Variants in GFRA1 observed in about 807,000 individuals in gnomAD.
GFRA1 encodes the protein GDNF family receptor alpha 1.
GFRA1 carries 16 observed loss-of-function variants against 51.6 expected under a neutral mutation model. The observed-to-expected ratio is 0.31, with a 90% confidence interval of 0.21 to 0.47. The LOEUF (loss-of-function observed/expected upper bound fraction) is 0.47, where lower values mean the gene tolerates loss of function less well. Among genes scored for constraint, GFRA1 ranks in the 20% least tolerant of loss-of-function variants. GFRA1 has a pLI of 1.00. For synonymous variants in GFRA1, 270 were observed against 241.3 expected (o/e 1.12, Z -1.10); for missense variants, 530 against 594.3 (o/e 0.89, Z 1.13).
At chr10:116,254,097 G>A (rs1968612335) in intron 4 of GFRA1, among the ~76,000 whole-genome samples, 1 of 152,078 alleles carries the variant, frequency 6.6e-6, no homozygotes, top group African/African-American at 2.4e-5. Flanking sequence ...GAGGCAGGCA[G>A]ATCACCTGAG....
At chr10:116,173,570 T>G (rs1385135072) in intron 5 of GFRA1, among the ~76,000 whole-genome samples, 1 of 152,198 alleles carries the variant, frequency 6.6e-6, no homozygotes, top group African/African-American at 2.4e-5. Context: ...CCGTATGCCT[T>G]TCCAATAACT....
intron 4 of GFRA1, among the ~76,000 whole-genome samples, 191 bp downstream of exon 4, chr10:116,269,312 A>C (rs1379293716): frequency 6.6e-6 from 1 of 152,212 alleles, no homozygotes; most frequent in African/African-American, 2.4e-5. Flanking sequence ...TACTTCATTT[A>C]GAATTACTTT....
chr10:116,219,980 C>T (rs1244340779), intron 4 of GFRA1, among the ~76,000 whole-genome samples: 1 of 152,184 alleles, frequency 6.6e-6, no homozygotes, highest in Admixed American at 6.5e-5. Context: ...ACTAGATGAT[C>T]TCTAAGGTCC....
chr10:116,257,928 G>C lies in GFRA1; in HGVS notation c.418+11575C>G, dbSNP rs556884719. Among the ~76,000 whole-genome samples the C allele has an allele frequency of 5.9e-5, 9 of 152,180 alleles. No individual in the cohort carries two copies. The South Asian group carries it at 1.9e-3, about 32-fold the overall frequency. On this transcript the variant is annotated intron_variant, in intron 4 of 10. Transcript: ENST00000355422. ...CTGGACACACTGTGCCTTTGCCCAG[G>C]CTGTTGCCTCTGCCTGGAATGCTCT...
At chr10:116,205,587 A>C (rs1334848492) in intron 5 of GFRA1, among the ~76,000 whole-genome samples, 6 of 45,586 alleles carry the variant, frequency 1.3e-4, no homozygotes, top group Non-Finnish European at 1.1e-4. Flanking sequence ...AAAGAAAGGA[A>C]AAAAAAAAGA....
chr10:116,096,811 A>G, intron 6 of GFRA1, 47 bp from the exon 7 acceptor site: 1 of 1,015,772 alleles, frequency 9.8e-7, no homozygotes, highest in Non-Finnish European at 1.5e-6. Flanking sequence ...GCTTTAAAAC[A>G]TCCTAAGCCT....
In GFRA1 at chr10:116,061,342, T is replaced by C. The variant is rs553075143; in HGVS notation, c.*3056A>G. On this transcript the variant is annotated 3_prime_UTR_variant, in exon 11 of 11. Coordinates refer to ENST00000355422, the MANE Select transcript of GFRA1 (RefSeq NM_005264.8). The stretch of plus-strand genomic sequence containing the variant: ...AATAACCTATGTTAATCTCAACTTA[T>C]ACTTTTTTTATTACAGACTTGAAAA... The C allele has an allele frequency of 3.9e-5, 6 of 152,138 alleles. No homozygotes were observed. Among genetic ancestry groups the C allele is most frequent in the East Asian group, 3.9e-4 (2 of 5,156 alleles). 9.4% of individuals were successfully genotyped at this position (152,138 alleles called of 1,614,324 possible). A position where few individuals can be genotyped will look rare whatever the true frequency, so the allele number is the denominator to read the frequency against.
Position 116,093,780 on chromosome 10 carries a change from A to C in GFRA1, c.937T>G (p.Cys313Gly). 1 of 1,613,940 alleles carries C rather than the reference A, an allele frequency of 6.2e-7. No homozygotes were observed. The highest frequency in any genetic ancestry group is 8.5e-7 in the Non-Finnish European group (1 of 1,179,760). Reference sequence around the variant, plus strand: ...TCGTTCCCACTGTTGCTGCAGTCACACCATGGGGCCACACTGAGGCTACTG... The same window carrying C: ...TCGTTCCCACTGTTGCTGCAGTCACCCCATGGGGCCACACTGAGGCTACTG... The part of the protein sequence containing the change: ...DSSSLSVAPW[C>G]DCSNSGNDLE... The change falls in exon 8 of 11, where the codon TGT (cysteine) becomes GGT (glycine). Residue 313 changes from cysteine (C) to glycine (G), a missense_variant. Physicochemically the swap from Cys to Gly is radical, Grantham distance 159. Coordinates refer to ENST00000355422, the MANE Select transcript of GFRA1 (RefSeq NM_005264.8).
chr10:116,101,778 G>A (rs2024089), intron 6 of GFRA1, among the ~76,000 whole-genome samples: 25,870 of 152,014 alleles, frequency 0.17, 2,226 homozygotes, highest in East Asian at 0.21. Flanking sequence ...CGTGGTTGGT[G>A]GAATTGAGCC....
intron 5 of GFRA1, among the ~76,000 whole-genome samples, chr10:116,174,639 T>C (rs1961403717): frequency 6.6e-6 from 1 of 152,210 alleles, no homozygotes; most frequent in Non-Finnish European, 1.5e-5. Context: ...GTTAGATTTT[T>C]CAATTTTATA....
At chr10:116,256,638 T>G (rs1256901102) in intron 4 of GFRA1, among the ~76,000 whole-genome samples, 1 of 150,266 alleles carries the variant, frequency 6.7e-6, no homozygotes, top group Non-Finnish European at 1.5e-5. Context: ...CTGGGGTGAG[T>G]GGGCACTGCT....
At chr10:116,085,544 A>G (rs145624828) in intron 9 of GFRA1, among the ~76,000 whole-genome samples, 1 of 152,252 alleles carries the variant, frequency 6.6e-6, no homozygotes, top group East Asian at 1.9e-4. Context: ...GCAAATGATA[A>G]TTCATCTGGA....
intron 4 of GFRA1, among the ~76,000 whole-genome samples, chr10:116,254,332 A>AAG (rs530012164): frequency 3.9e-3 from 590 of 149,700 alleles, no homozygotes; most frequent in Non-Finnish European, 7.1e-3. Flanking sequence ...AAAAAAAAAA[A>AAG]AAAGAAAGAA....
At position 116,125,472 on chromosome 10, in the gene GFRA1, C is replaced by T. The variant is rs768119844; in HGVS notation, c.519G>A (p.Ala173=). 5.4e-5 allele frequency: 87 copies of T among 1,614,006 alleles called. No individual in the cohort carries two copies. Among genetic ancestry groups the T allele is most frequent in the Middle Eastern group, 1.6e-4 (1 of 6,084 alleles). Residue 173 remains alanine (A), a synonymous_variant, in exon 6 of 11, where the codon GCG becomes GCA. Transcript: ENST00000355422. The part of the protein sequence containing the change: ...LDDICKKYRS[A]YITPCTTSVS... ...CGCTGGTGGTGCACGGGGTGATGTA[C>T]GCCGACCTGTACTTCTTGCAAATGT...
intron 4 of GFRA1, among the ~76,000 whole-genome samples, chr10:116,215,184 T>C (rs1211114851): frequency 2.6e-5 from 4 of 152,178 alleles, no homozygotes; most frequent in Non-Finnish European, 5.9e-5. Flanking sequence ...AAAATTTCAC[T>C]TTTCCAGAAT....
chr10:116,189,020 T>G (rs551787618), intron 5 of GFRA1, among the ~76,000 whole-genome samples: 2 of 146,026 alleles, frequency 1.4e-5, no homozygotes, highest in African/African-American at 5.1e-5. Context: ...TTTGGGAGGC[T>G]GGGGCAGGAG....
intron 4 of GFRA1, among the ~76,000 whole-genome samples, chr10:116,258,052 T>C (rs866303006): frequency 6.6e-6 from 1 of 152,152 alleles, no homozygotes; most frequent in South Asian, 2.1e-4. Context: ...CACCATCCAG[T>C]CCGTTATTCC....
chr10:116,232,495 C>A (rs903354591), intron 4 of GFRA1, among the ~76,000 whole-genome samples: 1 of 74,848 alleles, frequency 1.3e-5, no homozygotes, highest in African/African-American at 4.5e-5. Context: ...TTGAATGTTT[C>A]CTCATACAAA....
chr10:116,201,549 T>G (rs1964332547), intron 5 of GFRA1, among the ~76,000 whole-genome samples: 1 of 152,024 alleles, frequency 6.6e-6, no homozygotes, highest in African/African-American at 2.4e-5. Context: ...TCCTGCCCAA[T>G]TAGACATTCA....
Sources: gnomAD v4.1 joint callset for allele counts (sites outside exome capture counted in the v4.1 genomes callset) on GRCh38, gnomAD v4.1.1 for gene constraint, MANE v1.5 for transcripts, NCBI Gene and HGNC (gene_info 2026-07-23, HGNC 2026-07-21) for gene names.